CLEC2A: variants seen among roughly 807,000 people sequenced by gnomAD.
CLEC2A encodes the protein C-type lectin domain family 2 member A.
CLEC2A carries 19 observed loss-of-function variants against 18.6 expected under a neutral mutation model. The ratio of observed to expected loss-of-function variants is 1.02; its 90% CI spans 0.71 to 1.50. The LOEUF (loss-of-function observed/expected upper bound fraction) is 1.50. Among genes scored for constraint, CLEC2A ranks in the 40% most tolerant of loss-of-function variants. The pLI, the probability that CLEC2A is intolerant of heterozygous loss-of-function variation, is 0.00. For synonymous variants in CLEC2A, 74 were observed against 64.0 expected (o/e 1.16, Z -0.75); for missense variants, 190 against 207.9 (o/e 0.91, Z 0.53).
the CLEC2A span, among the ~76,000 whole-genome samples, chr12:9,882,761 A>G: frequency 6.7e-6 from 1 of 150,150 alleles, no homozygotes; most frequent in Non-Finnish European, 1.5e-5. Context: ...AGCCTGAGTG[A>G]CAGAGCAAGA....
downstream of CLEC2A, among the ~76,000 whole-genome samples, chr12:9,912,414 G>A (rs537724155): frequency 6.6e-6 from 1 of 152,254 alleles, no homozygotes; most frequent in South Asian, 2.1e-4. Context: ...GACCCTTAGA[G>A]TGACAGGGTT....
At chr12:9,929,435 G>C (rs1193593363) in intron 1 of CLEC2A, among the ~76,000 whole-genome samples, 2 of 152,000 alleles carry the variant, frequency 1.3e-5, no homozygotes, top group African/African-American at 4.8e-5. Context: ...ATTTAAAAAA[G>C]AATTTTTCTA....
chr12:9,880,304 G>A, the CLEC2A span, among the ~76,000 whole-genome samples: 1 of 152,148 alleles, frequency 6.6e-6, no homozygotes, highest in Non-Finnish European at 1.5e-5. Context: ...AAGCTAAGAG[G>A]TACATATAGA....
intron 2 of CLEC2A, among the ~76,000 whole-genome samples, chr12:9,926,035 C>A (rs758199828): frequency 4.6e-5 from 7 of 152,114 alleles, no homozygotes; most frequent in Non-Finnish European, 1.0e-4. Flanking sequence ...TCTTAAGCAT[C>A]AAGGACTATA....
At chr12:9,886,619 A>G in the CLEC2A span, among the ~76,000 whole-genome samples, 4 of 152,146 alleles carry the variant, frequency 2.6e-5, no homozygotes, top group African/African-American at 9.7e-5. Flanking sequence ...GCTTATTACC[A>G]ATTAAATTTA....
rs780735962 is a variant in CLEC2A, at chr12:9,926,242, AT to A, written c.139+17del. 2.8e-6 allele frequency: 4 copies of A among 1,416,678 alleles called. No individual in the cohort carries two copies. The highest frequency in any genetic ancestry group is 3.9e-6 in the Non-Finnish European group (4 of 1,024,596). The allele number at this position is 1,416,678 out of a possible 1,614,324, so 87.8% of individuals were successfully genotyped here. ...AGGAGTGAAGAACCATAGAAAGTGT[AT>A]GAATTAAACCACTCACCTATCATAA... is the stretch of plus-strand genomic sequence containing the variant. On this transcript the variant is annotated intron_variant, in intron 2 of 4. Coordinates refer to ENST00000455827, the MANE Select transcript of CLEC2A (RefSeq NM_001130711.2).
intron 3 of CLEC2A, 52 bp downstream of exon 3, chr12:9,922,013 TG>T (rs1863180865): frequency 1.5e-6 from 2 of 1,379,154 alleles, no homozygotes; most frequent in Admixed American, 2.4e-5. Flanking sequence ...TGTTTTATTA[TG>T]TTTTTATACA....
chr12:9,882,424 T>C, the CLEC2A span, among the ~76,000 whole-genome samples: 1 of 152,258 alleles, frequency 6.6e-6, no homozygotes, highest in South Asian at 2.1e-4. Context: ...GAAACAAATG[T>C]TTACTTTTTC....
chr12:9,887,825 G>C, the CLEC2A span, among the ~76,000 whole-genome samples: 1 of 151,550 alleles, frequency 6.6e-6, no homozygotes, highest in Admixed American at 6.6e-5. Context: ...GCCAAGGCAG[G>C]TGGAGCGCTT....
the CLEC2A span, among the ~76,000 whole-genome samples, chr12:9,880,260 A>G: frequency 1.3e-5 from 2 of 152,342 alleles, no homozygotes; most frequent in East Asian, 3.9e-4. Context: ...ACTTGTCGGA[A>G]ACTCAAAAAG....
chr12:9,892,783 C>T, the CLEC2A span, among the ~76,000 whole-genome samples: 39 of 151,660 alleles, frequency 2.6e-4, no homozygotes, highest in African/African-American at 9.2e-4. Flanking sequence ...AGGGTTTCTC[C>T]ATGTTGGTCA....
the CLEC2A span, chr12:9,881,683 C>T: frequency 5.3e-6 from 8 of 1,505,634 alleles, no homozygotes; most frequent in African/African-American, 9.7e-5. Flanking sequence ...TACTGCTCCC[C>T]ATCACCGCAT....
In CLEC2A at chr12:9,922,130, G is replaced by C. The variant is rs759815678; in HGVS notation, c.242C>G (p.Ala81Gly). 1.3e-6 allele frequency: 2 copies of C among 1,550,378 alleles called. No homozygotes were observed. The highest frequency in any genetic ancestry group is 8.7e-7 in the Non-Finnish European group (1 of 1,146,382). Residue 81 changes from alanine (A) to glycine (G), a missense_variant, in exon 3 of 5, where the codon GCC becomes GGC. Ala to Gly is a moderately conservative substitution (Grantham distance 60, BLOSUM62 0). Transcript: ENST00000455827. The part of the protein sequence containing the change: ...YFSDDTRNWT[A>G]SKIFCSLQKA... The stretch of plus-strand genomic sequence containing the variant: ...CTGCAAACTACAAAATATTTTACTG[G>C]CTGTCCAATTTCTGGTATCATCAGA...
chr12:9,927,833 G>T (rs1181280066), intron 1 of CLEC2A, among the ~76,000 whole-genome samples: 2 of 145,888 alleles, frequency 1.4e-5, no homozygotes, highest in Non-Finnish European at 3.0e-5. Context: ...CATAAAATGT[G>T]TTTTTTTTTT....
chr12:9,902,233 ATTTTTT>A (rs3994065), intron 4 of CLEC2A, among the ~76,000 whole-genome samples: 214 of 132,572 alleles, frequency 1.6e-3, no homozygotes, highest in African/African-American at 5.9e-3. Context: ...AAGGTTTGCC[ATTTTTT>A]TTTTTTTTTT....
the CLEC2A span, chr12:9,888,639 T>A: frequency 4.5e-6 from 3 of 666,078 alleles, no homozygotes; most frequent in Non-Finnish European, 7.8e-6. Flanking sequence ...TTTATTAGTA[T>A]GCCTTCATTT....
Position 9,913,678 on chromosome 12 carries a change from A to T in CLEC2A, c.413T>A (p.Phe138Tyr). Reference protein sequence around the residue: ...WTNGTTFNGWFEIIGNGSFAF... With the variant: ...WTNGTTFNGWYEIIGNGSFAF... ...AAAGGATCCGTTCCCTATAATTTCA[A>T]ACCTGAAAAAGAACACTCTAAATCA... Residue 138 changes from phenylalanine (F) to tyrosine (Y), a missense_variant and splice_region_variant, in exon 5 of 5, where the codon TTT (phenylalanine) becomes TAT (tyrosine). Transcript: ENST00000455827. 6.5e-7 allele frequency: 1 copy of T among 1,540,932 alleles called. No homozygotes were observed. The highest frequency in any genetic ancestry group is 1.2e-5 in the South Asian group (1 of 83,106).
chr12:9,920,147 T>C (rs1201260166), intron 3 of CLEC2A, among the ~76,000 whole-genome samples: 1 of 152,146 alleles, frequency 6.6e-6, no homozygotes, highest in African/African-American at 2.4e-5. Context: ...AGCCAGTGGG[T>C]CCTATCCTGT....
At chr12:9,888,355 T>A in the CLEC2A span, among the ~76,000 whole-genome samples, 294 of 151,770 alleles carry the variant, frequency 1.9e-3, no homozygotes, top group Non-Finnish European at 3.6e-3. Flanking sequence ...CTGGGCATGG[T>A]GGTGCGCGCC....
Sources: allele counts gnomAD v4.1 joint callset (sites outside exome capture counted in the v4.1 genomes callset), GRCh38; gene constraint gnomAD v4.1.1; transcripts MANE v1.5; gene names NCBI Gene and HGNC (gene_info 2026-07-23, HGNC 2026-07-21).